The following TCF20 variants were observed in gnomAD, a reference collection of about 807,000 sequenced individuals.
The protein encoded by TCF20 is SPRE-binding protein.
A neutral mutation model predicts 148.6 loss-of-function variants in TCF20; 3 were observed. The ratio of observed to expected loss-of-function variants is 0.02; its 90% confidence interval spans 0.01 to 0.05. TCF20 has a LOEUF of 0.05. TCF20 is among the 10% of genes least tolerant of loss of function. The pLI is 1.00. For synonymous variants in TCF20, 1,049 were observed against 909.5 expected (o/e 1.15, Z -2.76); for missense variants, 2,350 against 2,429.3 (o/e 0.97, Z 0.69).
intron 2 of TCF20, among the ~76,000 whole-genome samples, chr22:42,182,365 C>G (rs5758633): frequency 1.3e-5 from 2 of 152,158 alleles, no homozygotes; most frequent in African/African-American, 4.8e-5. Flanking sequence ...GTCAAAAGTG[C>G]TAAGTAAATG....
intron 2 of TCF20, among the ~76,000 whole-genome samples, chr22:42,208,701 A>G (rs183015014): frequency 3.9e-5 from 6 of 152,330 alleles, no homozygotes; most frequent in Admixed American, 3.3e-4. Flanking sequence ...GAGATAAAAC[A>G]TAAAACAGAG....
upstream of TCF20, among the ~76,000 whole-genome samples, chr22:42,271,278 AGGAG>A (rs1437156982): frequency 5.9e-5 from 9 of 152,202 alleles, no homozygotes; most frequent in African/African-American, 2.2e-4. Context: ...GGAAAACGCG[AGGAG>A]GGAGGCCCAC....
chr22:42,289,438 A>G (rs1484154185), intron 1 of TCF20, among the ~76,000 whole-genome samples: 1 of 152,238 alleles, frequency 6.6e-6, no homozygotes, highest in Non-Finnish European at 1.5e-5. Flanking sequence ...ACATCTGCAT[A>G]GCACAGAGCC....
At chr22:42,175,028 C>CTAA (rs1049262724) in intron 3 of TCF20, among the ~76,000 whole-genome samples, 2 of 150,900 alleles carry the variant, frequency 1.3e-5, no homozygotes, top group Non-Finnish European at 2.9e-5. Context: ...CAGCGAGACT[C>CTAA]TGTCTCAAAA....
chr22:42,293,675 C>T (rs962016320), intron 1 of TCF20, among the ~76,000 whole-genome samples: 2 of 152,232 alleles, frequency 1.3e-5, no homozygotes, highest in Non-Finnish European at 2.9e-5. Context: ...CCTGGGGAGG[C>T]AAGAGGCTTA....
chr22:42,212,669 G>A lies in TCF20; in HGVS notation c.2637C>T (p.Asp879=). ...DISPLRQIVR[D]PGAHSLGHMS... ...TGTGTCCCAGTGAGTGAGCCCCTGG[G>A]TCCCTGACAATCTGTCTTAGTGGAG... The change falls in exon 2 of 6, where the codon GAC becomes GAT. Residue 879 remains aspartate (D), a synonymous_variant. Coordinates refer to ENST00000677622, the MANE Select transcript of TCF20 (RefSeq NM_001378418.1). The A allele has an allele frequency of 1.2e-6, 2 of 1,614,126 alleles. No individual in the cohort carries two copies. The highest frequency in any genetic ancestry group is 1.1e-5 in the South Asian group (1 of 91,078).
chr22:42,251,433 T>A (rs1243207756), intron 1 of TCF20, among the ~76,000 whole-genome samples: 1 of 149,958 alleles, frequency 6.7e-6, no homozygotes, highest in Admixed American at 6.6e-5. Context: ...CTGCCCACCT[T>A]GGCTTCCCAA....
chr22:42,253,088 A>G (rs1306957388), intron 1 of TCF20, among the ~76,000 whole-genome samples: 1 of 152,200 alleles, frequency 6.6e-6, no homozygotes, highest in African/African-American at 2.4e-5. Flanking sequence ...CAACAAAACA[A>G]AAACTAAGGC....
At chr22:42,329,559 T>C (rs755756839) in intron 1 of TCF20, among the ~76,000 whole-genome samples, 3 of 152,152 alleles carry the variant, frequency 2.0e-5, no homozygotes, top group Admixed American at 6.5e-5. Context: ...CAGGGAGCTA[T>C]GGATGGTGTG....
chr22:42,300,854 CT>C (rs1271174090), intron 1 of TCF20, among the ~76,000 whole-genome samples: 1 of 152,170 alleles, frequency 6.6e-6, no homozygotes, highest in Non-Finnish European at 1.5e-5. Flanking sequence ...ACCTGGGCAG[CT>C]TCCCCTCCCC....
At chr22:42,298,280 C>T (rs1328573574) in intron 1 of TCF20, among the ~76,000 whole-genome samples, 1 of 152,196 alleles carries the variant, frequency 6.6e-6, no homozygotes, top group African/African-American at 2.4e-5. Flanking sequence ...GGTTTGACAT[C>T]AGCGGAGGTG....
intron 1 of TCF20, among the ~76,000 whole-genome samples, chr22:42,296,267 A>G (rs533394047): frequency 6.6e-6 from 1 of 152,338 alleles, no homozygotes; most frequent in South Asian, 2.1e-4. Context: ...CCCCCAGCAC[A>G]GGCCCTGGAC....
chr22:42,213,254 G>T lies in TCF20; in HGVS notation c.2052C>A (p.Gly684=). ...NHNGEGNGQS[G]HSAAGPGFTS... ...TAAAACCAGGGCCCGCTGCAGAGTG[G>T]CCACTCTGGCCATTTCCTTCTCCAT... The change falls in exon 2 of 6, where the codon GGC becomes GGA. Residue 684 remains glycine, a synonymous_variant. Transcript: ENST00000677622. 6.2e-7 allele frequency: 1 copy of T among 1,614,124 alleles called. No homozygotes were observed. Among genetic ancestry groups the T allele is most frequent in the South Asian group, 1.1e-5 (1 of 91,082 alleles).
At chr22:42,264,644 A>G (rs1320495248) in intron 1 of TCF20, among the ~76,000 whole-genome samples, 4 of 152,234 alleles carry the variant, frequency 2.6e-5, no homozygotes, top group Non-Finnish European at 5.9e-5. Flanking sequence ...CTGGCAGAAA[A>G]GGCTTCAGAA....
upstream of TCF20, among the ~76,000 whole-genome samples, chr22:42,272,219 T>C (rs539390457): frequency 1.6e-4 from 24 of 152,204 alleles, no homozygotes; most frequent in Non-Finnish European, 3.1e-4. Context: ...CATTTTCAAA[T>C]TCTCAGGCCT....
At chr22:42,341,268 C>T (rs1232054102) in intron 1 of TCF20, among the ~76,000 whole-genome samples, 2 of 152,204 alleles carry the variant, frequency 1.3e-5, no homozygotes, top group Admixed American at 6.5e-5. Context: ...AGATGGCCGA[C>T]ATTAATCTCT....
intron 2 of TCF20, among the ~76,000 whole-genome samples, chr22:42,208,914 T>A (rs1901894634): frequency 6.6e-6 from 1 of 152,168 alleles, no homozygotes; most frequent in Non-Finnish European, 1.5e-5. Context: ...TCAAGACCTA[T>A]CATTTTGACA....
At chr22:42,231,702 G>C (rs1923417333) in intron 1 of TCF20, among the ~76,000 whole-genome samples, 1 of 152,038 alleles carries the variant, frequency 6.6e-6, no homozygotes, top group Non-Finnish European at 1.5e-5. Flanking sequence ...GGCCCAGGCG[G>C]GTGGATCACA....
upstream of TCF20, chr22:42,275,219 C>T (rs551597419): frequency 6.6e-6 from 1 of 152,394 alleles, no homozygotes; most frequent in East Asian, 1.9e-4. Context: ...GCGCCAGCCC[C>T]TCCAGCAGTC....
Sources: allele counts gnomAD v4.1 joint callset (sites outside exome capture counted in the v4.1 genomes callset), GRCh38; gene constraint gnomAD v4.1.1; transcripts MANE v1.5; gene names NCBI Gene and HGNC (gene_info 2026-07-23, HGNC 2026-07-21).